The following CSPG4 variants were observed in gnomAD, a reference collection of about 807,000 sequenced individuals.
The protein encoded by CSPG4 is chondroitin sulfate proteoglycan 4 (melanoma-associated).
A neutral mutation model predicts 139.3 loss-of-function variants in CSPG4; 74 were observed. The ratio of observed to expected loss-of-function variants is 0.53; its 90% CI spans 0.44 to 0.64. The LOEUF (loss-of-function observed/expected upper bound fraction) is 0.64, where lower values mean the gene tolerates loss of function less well. Among genes scored for constraint, CSPG4 ranks in the 30% least tolerant of loss-of-function variants. The probability of loss-of-function intolerance (pLI) is 0.00; values close to 1 mark genes in which losing one functional copy is unlikely to be tolerated. For synonymous variants in CSPG4, 1,234 were observed against 1,394.2 expected (o/e 0.89, Z 2.56); for missense variants, 2,565 against 3,148.3 (o/e 0.81, Z 4.43).
chr15:75,702,011 G>A (rs985522177), intron 1 of CSPG4, among the ~76,000 whole-genome samples: 22 of 152,210 alleles, frequency 1.4e-4, no homozygotes, highest in African/African-American at 4.6e-4. Flanking sequence ...TCCATAAGGC[G>A]GCTGGCCACC....
chr15:75,680,930 C>G (rs1328669693), intron 8 of CSPG4, among the ~76,000 whole-genome samples: 1 of 152,164 alleles, frequency 6.6e-6, no homozygotes, highest in African/African-American at 2.4e-5. Flanking sequence ...CCAGCCTGAC[C>G]CCCTGGTGTC....
chr15:75,689,349 C>T lies in CSPG4; in HGVS notation c.1716G>A (p.Pro572=), dbSNP rs200551937. The T allele has an allele frequency of 1.3e-4, 213 of 1,611,562 alleles. No homozygotes were observed. The highest frequency in any genetic ancestry group is 1.6e-4 in the Non-Finnish European group (194 of 1,179,858). The change falls in exon 3 of 10, where the codon CCG becomes CCA. Residue 572 remains proline (P), a synonymous_variant. Transcript: ENST00000308508. ...AGGCCTGGAAAACCTCAGGCCCCAG[C>T]GGCTTCTGCGTGTGTTCCAGGATCA... The part of the protein sequence containing the change: ...LMVILEHTQK[P]LGPEVFQAYD...
intron 5 of CSPG4, 127 bp from the exon 6 acceptor site, chr15:75,683,168 C>T (rs1296842853): frequency 2.8e-5 from 25 of 904,346 alleles, no homozygotes; most frequent in African/African-American, 6.6e-5. Context: ...TCGAGGCTGG[C>T]GCCACTCTGG....
At position 75,690,136 on chromosome 15, in the gene CSPG4, C is replaced by T. The variant is rs777017365; in HGVS notation, c.929G>A (p.Arg310Gln). The change falls in exon 3 of 10, where the codon CGA (arginine) becomes CAA (glutamine). Residue 310 changes from arginine to glutamine, a missense_variant. Arg to Gln is a conservative substitution (Grantham distance 43). Around this residue, in one of 5 missense-constraint regions of CSPG4, gnomAD observed 2,316 missense variants for 2,818.2 expected, o/e 0.82. Coordinates refer to ENST00000308508, the MANE Select transcript of CSPG4 (RefSeq NM_001897.5). ...VDQYPTHTSN[R>Q]GVLSYLEPRG... ...TGGCTCCAGGTAGCTGAGGACTCCTCGGTTCGAAGTATGCGTAGGGTACTG... is the reference window on the plus strand; with the variant it reads ...TGGCTCCAGGTAGCTGAGGACTCCTTGGTTCGAAGTATGCGTAGGGTACTG... 1.6e-5 allele frequency: 26 copies of T among 1,613,034 alleles called. No homozygotes were observed. In the Admixed American group the frequency reaches 1.7e-4, roughly 10 times the overall value.
chr15:75,677,844 C>CG lies in CSPG4; in HGVS notation c.4992dup (p.Glu1665ArgfsTer8), dbSNP rs757248830. The CG allele has an allele frequency of 1.9e-6, 3 of 1,612,368 alleles. No individual in the cohort carries two copies. The highest frequency in any genetic ancestry group is 8.5e-7 in the Non-Finnish European group (1 of 1,179,232). On this transcript the variant is annotated frameshift_variant, in exon 9 of 10. Transcript: ENST00000308508. LOFTEE classifies it high-confidence loss of function. ...GTATCATGGGCCTCCCAAAAGGGCT[C>CG]GGGGGGCATCTCATGCTCATACAGA...
chr15:75,690,098 G>A lies in CSPG4; in HGVS notation c.967C>T (p.Leu323Phe), dbSNP rs753606878. 3.1e-6 allele frequency: 5 copies of A among 1,612,502 alleles called. No homozygotes were observed. The highest frequency in any genetic ancestry group is 2.7e-5 in the African/African-American group (2 of 74,908). ...GCCTCTGCATCCAGCCCCCCGAGAA[G>A]GAGACTGCCCCGTGGCTCCAGGTAG... ...LSYLEPRGSL[L>F]LGGLDAEASR... Residue 323 changes from leucine to phenylalanine, a missense_variant, in exon 3 of 10, where the codon CTT becomes TTT. Physicochemically the swap from Leu to Phe is conservative, Grantham distance 22. Transcript: ENST00000308508.
upstream of CSPG4, among the ~76,000 whole-genome samples, chr15:75,713,389 C>T (rs943651958): frequency 3.9e-5 from 6 of 152,156 alleles, no homozygotes; most frequent in Non-Finnish European, 5.9e-5. Flanking sequence ...ACCTCAGTCT[C>T]CCTGTCTGTA....
Position 75,675,775 on chromosome 15 carries a change from T to C in CSPG4, c.6744A>G (p.Lys2248=). The C allele has an allele frequency of 6.2e-7, 1 of 1,612,810 alleles. No homozygotes were observed. ...CGTCATGCTTGCCCGTCTTGTTGCG[T>C]TTTCGGAGGTAGAAGAGCAGGGGCA... ...LILPLLFYLR[K]RNKTGKHDVQ... The change falls in exon 10 of 10, where the codon AAA becomes AAG. Residue 2248 remains lysine (K), a synonymous_variant. Coordinates refer to ENST00000308508, the MANE Select transcript of CSPG4 (RefSeq NM_001897.5).
Position 75,677,830 on chromosome 15 carries a change from C to T in CSPG4, c.5007G>A (p.Glu1669=), listed in dbSNP as rs747213676. Residue 1669 remains glutamate (E), a synonymous_variant, in exon 9 of 10, where the codon GAG becomes GAA. Coordinates refer to ENST00000308508, the MANE Select transcript of CSPG4 (RefSeq NM_001897.5). ...EHEMPPEPFW[E]AHDTLELQLS... The stretch of plus-strand genomic sequence containing the variant: ...GCTGGAGCTCTAGGGTATCATGGGC[C>T]TCCCAAAAGGGCTCGGGGGGCATCT... The T allele has an allele frequency of 1.9e-6, 3 of 1,612,768 alleles. No homozygotes were observed. Among genetic ancestry groups the T allele is most frequent in the East Asian group, 2.2e-5 (1 of 44,734 alleles).
chr15:75,712,862 G>C (rs898240199), upstream of CSPG4: 1 of 945,374 alleles, frequency 1.1e-6, no homozygotes, highest in African/African-American at 1.8e-5. Flanking sequence ...CCGGCTCCGG[G>C]TGTCCGCGCA....
intron 1 of CSPG4, among the ~76,000 whole-genome samples, chr15:75,700,388 G>C (rs189362246): frequency 2.1e-4 from 32 of 152,220 alleles, no homozygotes; most frequent in Middle Eastern, 3.4e-3. Flanking sequence ...CAGCGAGGAG[G>C]GGGGGACAGC....
In CSPG4 at chr15:75,685,207, T is replaced by C. The variant is rs747377645; in HGVS notation, c.4272+12A>G. On this transcript the variant is annotated intron_variant, in intron 4 of 9. Transcript: ENST00000308508. ...CTGGGCTGCAGCCCCTGGGCCTCTC[T>C]CACAGCCATACCATTCTCCAGGAGA... 5 of 1,513,322 alleles carry C rather than the reference T, an allele frequency of 3.3e-6. No homozygotes were observed. Among genetic ancestry groups the C allele is most frequent in the Non-Finnish European group, 4.4e-6 (5 of 1,132,248 alleles). 93.7% of individuals were successfully genotyped at this position (1,513,322 alleles called of 1,614,324 possible). A position where few individuals can be genotyped will look rare whatever the true frequency, so the allele number is the denominator to read the frequency against.
chr15:75,697,122 T>C (rs532810936), intron 1 of CSPG4, among the ~76,000 whole-genome samples: 3 of 152,156 alleles, frequency 2.0e-5, no homozygotes, highest in East Asian at 3.9e-4. Flanking sequence ...AGATGCCTCT[T>C]CCAGGCTGAG....
Position 75,688,040 on chromosome 15 carries a change from C to T in CSPG4, c.3025G>A (p.Val1009Met), listed in dbSNP as rs767145567. 28 of 1,612,056 alleles carry T rather than the reference C, an allele frequency of 1.7e-5. No individual in the cohort carries two copies. The highest frequency in any genetic ancestry group is 2.4e-5 in the Non-Finnish European group (28 of 1,179,568). Residue 1009 changes from valine to methionine, a missense_variant, in exon 3 of 10, where the codon GTG becomes ATG. This residue lies in a region of CSPG4 where 2,316 missense variants were observed against 2,818.2 expected (regional missense o/e 0.82). Coordinates refer to ENST00000308508, the MANE Select transcript of CSPG4 (RefSeq NM_001897.5). Reference sequence around the variant, plus strand: ...TGGTCATTCACGGGCTGGATGGCCACTCGGAAGACACCCCGTACCTCCTCC... The same window carrying T: ...TGGTCATTCACGGGCTGGATGGCCATTCGGAAGACACCCCGTACCTCCTCC... ...AWEEVRGVFR[V>M]AIQPVNDHAP...
chr15:75,712,947 C>T, upstream of CSPG4: 1 of 539,176 alleles, frequency 1.9e-6, no homozygotes, highest in Non-Finnish European at 3.2e-6. Flanking sequence ...CCCACCTGCC[C>T]CCACCCTCAA....
At chr15:75,712,105 T>C (rs1296652036) in intron 1 of CSPG4, among the ~76,000 whole-genome samples, 2 of 134,602 alleles carry the variant, frequency 1.5e-5, no homozygotes, top group East Asian at 4.3e-4. Context: ...AGGTGGCAGA[T>C]AGACGGATCT....
rs763676810 is a variant in CSPG4 at position 75,690,080 on chromosome 15, C to G, written c.985G>C (p.Ala329Pro). 1 of 1,612,084 alleles carries G rather than the reference C, an allele frequency of 6.2e-7. No individual in the cohort carries two copies. Among genetic ancestry groups the G allele is most frequent in the Admixed American group, 1.7e-5 (1 of 59,884 alleles). Residue 329 changes from alanine to proline, a missense_variant, in exon 3 of 10, where the codon GCA becomes CCA. Around this residue, in one of 5 missense-constraint regions of CSPG4, gnomAD observed 2,316 missense variants for 2,818.2 expected, o/e 0.82. Transcript: ENST00000308508. ...TCCTGGAGGTGACGAGAGGCCTCTG[C>G]ATCCAGCCCCCCGAGAAGGAGACTG... Reference protein sequence around the residue: ...RGSLLLGGLDAEASRHLQEHR... With the variant: ...RGSLLLGGLDPEASRHLQEHR...
intron 8 of CSPG4, chr15:75,678,350 AATTATT>A (rs906963864): frequency 5.5e-6 from 1 of 183,446 alleles, no homozygotes; most frequent in South Asian, 1.0e-4. Context: ...CTATTTAATT[AATTATT>A]ATTATTATTA....
upstream of CSPG4, chr15:75,712,987 C>T: frequency 3.9e-6 from 2 of 513,636 alleles, no homozygotes. Context: ...CGGGGCTGTT[C>T]CTCTCTGGGG....
Sources: gnomAD v4.1 joint callset for allele counts (sites outside exome capture counted in the v4.1 genomes callset) on GRCh38, gnomAD v4.1.1 for gene constraint, gnomAD v4.1.1 regional missense constraint, MANE v1.5 for transcripts, NCBI Gene and HGNC (gene_info 2026-07-23, HGNC 2026-07-21) for gene names.